DOK7: variants seen among roughly 807,000 people sequenced by gnomAD.
DOK7 encodes protein Dok-7.
A neutral mutation model predicts 30.7 loss-of-function variants in DOK7; 32 were observed. That is an observed-to-expected ratio of 1.04 (90% CI 0.79 to 1.40). The LOEUF is 1.40. DOK7 is among the 40% of genes most tolerant of loss of function. The pLI is 0.00. For missense variants in DOK7, 1,007 were observed against 699.2 expected (o/e 1.44, Z -4.97); for synonymous variants, 447 against 324.1 (o/e 1.38, Z -4.07).
intron 6 of DOK7, among the ~76,000 whole-genome samples, chr4:3,491,894 A>G (rs887554492): frequency 6.6e-6 from 1 of 152,190 alleles, no homozygotes; most frequent in African/African-American, 2.4e-5. Context: ...CTGTGTTCCC[A>G]CGGCCAAGTG....
chr4:3,479,235 C>A (rs1344882395), intron 4 of DOK7, among the ~76,000 whole-genome samples: 1 of 152,246 alleles, frequency 6.6e-6, no homozygotes, highest in Non-Finnish European at 1.5e-5. Context: ...CTGCTGGCTC[C>A]TGCGTGAGCC....
At chr4:3,495,303 G>A (rs571418078), downstream of DOK7, among the ~76,000 whole-genome samples, 133 of 151,448 alleles carry the variant, frequency 8.8e-4, no homozygotes, top group Non-Finnish European at 1.7e-3. Flanking sequence ...CCTTTGCTGG[G>A]GAGCCAGGCC....
chr4:3,490,744 T>TC (rs1560227775), intron 6 of DOK7, among the ~76,000 whole-genome samples: 2 of 104,092 alleles, frequency 1.9e-5, no homozygotes, highest in Admixed American at 2.3e-4. Context: ...CTTCCTTCCT[T>TC]CTTCCTCCTG....
intron 3 of DOK7, 63 bp downstream of exon 3, chr4:3,473,699 C>A: frequency 7.0e-7 from 1 of 1,437,580 alleles, no homozygotes; most frequent in Non-Finnish European, 9.4e-7. Flanking sequence ...GGCCCCTCAC[C>A]AACGTGGGCT....
At chr4:3,489,243 C>T (rs1298579168) in intron 5 of DOK7, among the ~76,000 whole-genome samples, 1 of 152,082 alleles carries the variant, frequency 6.6e-6, no homozygotes, top group Non-Finnish European at 1.5e-5. Context: ...GCGGGCATTT[C>T]CCCAGGTGGA....
intron 4 of DOK7, among the ~76,000 whole-genome samples, chr4:3,482,917 C>A (rs1577161770): frequency 6.6e-6 from 1 of 152,082 alleles, no homozygotes; most frequent in South Asian, 2.1e-4. Context: ...TGGGGCTGAA[C>A]CCCAGAGGAG....
intron 4 of DOK7, 31 bp from the exon 5 acceptor site, chr4:3,485,508 A>C (rs181786949): frequency 6.5e-7 from 1 of 1,549,754 alleles, no homozygotes; most frequent in Non-Finnish European, 8.8e-7. Context: ...CCCTCGGGCC[A>C]GACTGACCTG....
chr4:3,463,547 G>A lies in DOK7; in HGVS notation c.96G>A (p.Val32=). The change falls in exon 2 of 7, where the codon GTG becomes GTA. Residue 32 remains valine, a synonymous_variant. Transcript: ENST00000340083. ...RWLVLRKPSP[V]ADCLLMLVYK... ...TGGTGCTGCGGAAGCCGTCGCCCGT[G>A]GCAGGTGAGCGGGGCGGGCGGGGGA... 4.0e-6 allele frequency: 6 copies of A among 1,517,224 alleles called. No individual in the cohort carries two copies. The highest frequency in any genetic ancestry group is 4.4e-6 in the Non-Finnish European group (5 of 1,135,956). The allele number at this position is 1,517,224 out of a possible 1,614,324, so 94.0% of individuals were successfully genotyped here. A position where few individuals can be genotyped will look rare whatever the true frequency, so the allele number is the denominator to read the frequency against.
chr4:3,478,298 C>G (rs940514346), intron 4 of DOK7, among the ~76,000 whole-genome samples: 1 of 152,198 alleles, frequency 6.6e-6, no homozygotes, highest in Non-Finnish European at 1.5e-5. Flanking sequence ...GGTTCACATC[C>G]CTGCCGAGGT....
At chr4:3,496,163 T>C (rs1728899442), downstream of DOK7, among the ~76,000 whole-genome samples, 1 of 152,174 alleles carries the variant, frequency 6.6e-6, no homozygotes, top group Non-Finnish European at 1.5e-5. Flanking sequence ...TGGGCCGCTG[T>C]CCCTCCCGCA....
chr4:3,490,502 C>CACA (rs1728255063), intron 6 of DOK7, among the ~76,000 whole-genome samples: 2 of 109,388 alleles, frequency 1.8e-5, no homozygotes, highest in Non-Finnish European at 1.9e-5. Flanking sequence ...TCCTTTTCCC[C>CACA]CTGCTCATTC....
chr4:3,496,872 T>G, downstream of DOK7: 1 of 1,476,290 alleles, frequency 6.8e-7, no homozygotes. Context: ...GGTAGGCACC[T>G]GGAGCCAGTC....
In DOK7 at chr4:3,463,514, T is replaced by C; in HGVS notation, c.63T>C (p.Ser21=). Residue 21 remains serine (S), a synonymous_variant, in exon 2 of 7, where the codon AGT becomes AGC. Transcript: ENST00000340083. ...VKLRDGKKWK[S]RWLVLRKPSP... ...CCCCCCTGTCCCCGCAGTGGAAGAG[T>C]AGGTGGCTGGTGCTGCGGAAGCCGT... 6.9e-7 allele frequency: 1 copy of C among 1,441,580 alleles called. No homozygotes were observed. Among genetic ancestry groups the C allele is most frequent in the Non-Finnish European group, 9.0e-7 (1 of 1,106,464 alleles). The allele number at this position is 1,441,580 out of a possible 1,614,324, so 89.3% of individuals were successfully genotyped here.
At chr4:3,478,693 C>A (rs1405718291) in intron 4 of DOK7, among the ~76,000 whole-genome samples, 1 of 119,450 alleles carries the variant, frequency 8.4e-6, no homozygotes, top group Non-Finnish European at 1.8e-5. Flanking sequence ...GGAATTCGGT[C>A]ACCGACGGCT....
In DOK7 at chr4:3,493,584, G is replaced by A. The variant is rs1577184958; in HGVS notation, c.*83G>A. The stretch of plus-strand genomic sequence containing the variant: ...AGGAAGTGGCGCCAGCCTCCTTGCA[G>A]ACTGGTGCTCTGTGTTCTGTGGGAG... On this transcript the variant is annotated 3_prime_UTR_variant, in exon 7 of 7. Transcript: ENST00000340083. 9.6e-6 allele frequency: 15 copies of A among 1,556,300 alleles called. No homozygotes were observed. In the East Asian group the frequency reaches 3.4e-4, roughly 35 times the overall value.
intron 4 of DOK7, among the ~76,000 whole-genome samples, chr4:3,477,994 C>T (rs1051009303): frequency 1.3e-5 from 2 of 152,132 alleles, no homozygotes; most frequent in Non-Finnish European, 2.9e-5. Flanking sequence ...GCCCAGCGTC[C>T]CTGTCCTTTG....
chr4:3,482,277 GAGGAC>G (rs1252703801), intron 4 of DOK7, among the ~76,000 whole-genome samples: 1 of 152,222 alleles, frequency 6.6e-6, no homozygotes, highest in Non-Finnish European at 1.5e-5. Context: ...GGGGCTCAGT[GAGGAC>G]AGCTCATCTC....
At chr4:3,469,115 TGTGC>T (rs1726579050) in intron 2 of DOK7, among the ~76,000 whole-genome samples, 1 of 150,304 alleles carries the variant, frequency 6.7e-6, no homozygotes, top group South Asian at 2.1e-4. Context: ...TGCATGTATG[TGTGC>T]ACACATTGTG....
rs369297851 is a variant in DOK7, at chr4:3,489,715, G to C, written c.691G>C (p.Val231Leu). Reference protein sequence around the residue: ...PPGPSTVEERVAQEALETLQL... With the variant: ...PPGPSTVEERLAQEALETLQL... ...GGGACCCTCGACTGTGGAGGAGCGT[G>C]TGGCCCAGGAAGCCCTGGAAACCCT... The change falls in exon 6 of 7, where the codon GTG (valine) becomes CTG (leucine). Residue 231 changes from valine (V) to leucine (L), a missense_variant. By Grantham distance (32) the Val-to-Leu change is conservative (BLOSUM62 1). Transcript: ENST00000340083. 1 of 1,564,868 alleles carries C rather than the reference G, an allele frequency of 6.4e-7. No individual in the cohort carries two copies. Among genetic ancestry groups the C allele is most frequent in the South Asian group, 1.2e-5 (1 of 85,034 alleles).
Sources: gnomAD v4.1 joint callset for allele counts (sites outside exome capture counted in the v4.1 genomes callset) on GRCh38, gnomAD v4.1.1 for gene constraint, MANE v1.5 for transcripts, NCBI Gene and HGNC (gene_info 2026-07-23, HGNC 2026-07-21) for gene names.